The following GSTO1 variants were observed in gnomAD, a reference collection of about 807,000 sequenced individuals.
The protein encoded by GSTO1 is glutathione S-transferase omega-1.
In GSTO1, 27 loss-of-function variants were observed where a neutral mutation model predicts 23.8. That is an observed-to-expected ratio of 1.13 (90% CI 0.83 to 1.56). The LOEUF (loss-of-function observed/expected upper bound fraction) is 1.56. GSTO1 is among the 40% of genes most tolerant of loss of function. The probability of loss-of-function intolerance (pLI) is 0.00; values close to 1 mark genes in which losing one functional copy is unlikely to be tolerated. For missense variants in GSTO1, 255 were observed against 285.8 expected, an observed-to-expected ratio of 0.89 and a Z score of 0.78; for synonymous variants, 105 against 109.3, an observed-to-expected ratio of 0.96 and a Z score of 0.25.
intron 4 of GSTO1, 93 bp from the exon 5 acceptor site, chr10:104,265,991 C>T (rs1259080866): frequency 1.7e-5 from 11 of 651,538 alleles, no homozygotes; most frequent in Middle Eastern, 2.8e-4. Flanking sequence ...AAAACTGCTT[C>T]TCTCACCTGC....
At chr10:104,256,958 T>C (rs2011104114) in intron 2 of GSTO1, among the ~76,000 whole-genome samples, 1 of 152,150 alleles carries the variant, frequency 6.6e-6, no homozygotes, top group Non-Finnish European at 1.5e-5. Flanking sequence ...TTAAATTACA[T>C]GCACACCTGT....
At chr10:104,265,340 T>G (rs1020926587) in intron 4 of GSTO1, among the ~76,000 whole-genome samples, 2 of 152,256 alleles carry the variant, frequency 1.3e-5, no homozygotes, top group African/African-American at 4.8e-5. Context: ...CTCTGCTGTG[T>G]GTAGTTCTTT....
At position 104,260,344 on chromosome 10, in the gene GSTO1, G is replaced by A. The variant is rs145841211; in HGVS notation, c.366+546G>A. Among the ~76,000 whole-genome samples the A allele has an allele frequency of 5.2e-3, 794 of 152,266 alleles. 8 individuals carry two copies. Among genetic ancestry groups the A allele is most frequent in the African/African-American group, 0.017 (693 of 41,532 alleles). On this transcript the variant is annotated intron_variant, in intron 3 of 5. Transcript: ENST00000369713. ...GCTACTTTCTTGTGACTCTGAGCAA[G>A]TTACTTATTACTTTGCCTCTCCGTT...
chr10:104,266,336 G>A (rs1462466806), intron 5 of GSTO1, 146 bp downstream of exon 5: 2 of 562,946 alleles, frequency 3.6e-6, no homozygotes, highest in Non-Finnish European at 6.5e-6. Context: ...ACTATCCCAG[G>A]CATGTCATAT....
chr10:104,255,353 C>T, intron 2 of GSTO1, 82 bp downstream of exon 2: 1 of 830,592 alleles, frequency 1.2e-6, no homozygotes, highest in South Asian at 1.4e-5. Flanking sequence ...TCTCAGCCCC[C>T]TTCTACCCCC....
At chr10:104,266,228 A>T (rs748396147) in intron 5 of GSTO1, 38 bp downstream of exon 5, 2 of 1,094,076 alleles carry the variant, frequency 1.8e-6, no homozygotes, top group Admixed American at 1.7e-5. Flanking sequence ...ATTTAGGATG[A>T]CAGGTGGAAT....
chr10:104,254,753 T>C (rs2091592770), upstream of GSTO1: 1 of 671,508 alleles, frequency 1.5e-6, no homozygotes, highest in East Asian at 2.7e-5. Context: ...TTAAGATGTT[T>C]TAAGGGCTAT....
At chr10:104,264,122 T>C (rs571737024) in intron 4 of GSTO1, among the ~76,000 whole-genome samples, 9 of 152,294 alleles carry the variant, frequency 5.9e-5, no homozygotes, top group African/African-American at 1.9e-4. Context: ...ATAAAATGAG[T>C]TGGGTAACTA....
At chr10:104,264,140 T>C (rs1159101149) in intron 4 of GSTO1, among the ~76,000 whole-genome samples, 1 of 152,334 alleles carries the variant, frequency 6.6e-6, no homozygotes, top group East Asian at 1.9e-4. Context: ...CTAACCTGTT[T>C]TTCTAATCTC....
At chr10:104,257,495 C>T (rs962490647) in intron 2 of GSTO1, among the ~76,000 whole-genome samples, 1 of 152,072 alleles carries the variant, frequency 6.6e-6, no homozygotes, top group African/African-American at 2.4e-5. Context: ...TGAGTACCAC[C>T]ACACTTGGCT....
intron 3 of GSTO1, among the ~76,000 whole-genome samples, chr10:104,260,199 TC>T (rs776475075): frequency 1.3e-5 from 2 of 152,176 alleles, no homozygotes; most frequent in Non-Finnish European, 2.9e-5. Context: ...TGAGTTCCCA[TC>T]CGTGTGAACT....
At chr10:104,255,332 G>A (rs2091597997) in intron 2 of GSTO1, 61 bp downstream of exon 2, 1 of 1,092,436 alleles carries the variant, frequency 9.2e-7, no homozygotes, top group African/African-American at 1.5e-5. Context: ...AGGCGGCGGG[G>A]TGGGGTGGGG....
Position 104,259,566 on chromosome 10 carries a change from T to C in GSTO1, c.144-10T>C. On this transcript the variant is annotated splice_polypyrimidine_tract_variant and intron_variant, in intron 2 of 5. Coordinates refer to ENST00000369713, the MANE Select transcript of GSTO1 (RefSeq NM_004832.3). ...TTCCTTCTCTTCATAGTCTCCTATG[T>C]GTCTTTCAGGCATGAAGTCATCAAT... 1 of 1,538,674 alleles carries C rather than the reference T, an allele frequency of 6.5e-7. No homozygotes were observed.
In GSTO1 at chr10:104,255,190, A is replaced by G. The variant is rs2091596679; in HGVS notation, c.62A>G (p.Glu21Gly). 1 of 1,613,510 alleles carries G rather than the reference A, an allele frequency of 6.2e-7. No individual in the cohort carries two copies. Among genetic ancestry groups the G allele is most frequent in the African/African-American group, 1.3e-5 (1 of 74,858 alleles). ...KGSAPPGPVPEGSIRIYSMRF... is the reference protein window; with the variant it reads ...KGSAPPGPVPGGSIRIYSMRF... ...AGCGCGCCCCCGGGGCCGGTCCCGG[A>G]GGGCTCGATCCGCATCTACAGCATG... The change falls in exon 2 of 6, where the codon GAG (glutamate) becomes GGG (glycine). Residue 21 changes from glutamate to glycine, a missense_variant. Physicochemically the swap from Glu to Gly is moderately conservative, Grantham distance 98. Coordinates refer to ENST00000369713, the MANE Select transcript of GSTO1 (RefSeq NM_004832.3).
intron 2 of GSTO1, among the ~76,000 whole-genome samples, chr10:104,259,090 T>C (rs1424555243): frequency 6.6e-6 from 1 of 152,154 alleles, no homozygotes; most frequent in Non-Finnish European, 1.5e-5. Context: ...ACAGTATAGA[T>C]GTTCTTCAAA....
chr10:104,257,838 G>A (rs986187348), intron 2 of GSTO1, among the ~76,000 whole-genome samples: 3 of 152,096 alleles, frequency 2.0e-5, no homozygotes, highest in Non-Finnish European at 2.9e-5. Flanking sequence ...CAATTTTGAA[G>A]CATTTCCACA....
chr10:104,262,947 A>T (rs772548337), intron 3 of GSTO1, 32 bp from the exon 4 acceptor site: 11 of 942,886 alleles, frequency 1.2e-5, no homozygotes, highest in Non-Finnish European at 1.7e-5. Flanking sequence ...TTAGCCATAA[A>T]CTGATAAACT....
At chr10:104,262,666 C>T (rs1163820995) in intron 3 of GSTO1, among the ~76,000 whole-genome samples, 3 of 152,138 alleles carry the variant, frequency 2.0e-5, no homozygotes, top group South Asian at 2.1e-4. Context: ...GAGCTGAGAT[C>T]GTGCCACTGC....
At position 104,259,779 on chromosome 10, in the gene GSTO1, T is replaced by C. The variant is rs1564836628; in HGVS notation, c.347T>C (p.Ile116Thr). 2 of 1,611,568 alleles carry C rather than the reference T, an allele frequency of 1.2e-6. No homozygotes were observed. The highest frequency in any genetic ancestry group is 1.7e-6 in the Non-Finnish European group (2 of 1,177,716). Residue 116 changes from isoleucine (I) to threonine (T), a missense_variant, in exon 3 of 6, where the codon ATC becomes ACC. Physicochemically the swap from Ile to Thr is moderately conservative, Grantham distance 89. Coordinates refer to ENST00000369713, the MANE Select transcript of GSTO1 (RefSeq NM_004832.3). ...TATGAGAAAGCTTGCCAGAAGATGA[T>C]CTTAGAGTTGTTTTCTAAGGTTTGT... ...DPYEKACQKM[I>T]LELFSKVPSL...
Sources: allele counts gnomAD v4.1 joint callset (sites outside exome capture counted in the v4.1 genomes callset), GRCh38; gene constraint gnomAD v4.1.1; transcripts MANE v1.5; gene names NCBI Gene and HGNC (gene_info 2026-07-23, HGNC 2026-07-21).